Variants in NLRP4 observed in about 807,000 individuals in gnomAD.
NLRP4 encodes NLR family pyrin domain containing 4.
A neutral mutation model predicts 84.7 loss-of-function variants in NLRP4; 44 were observed. That is an observed-to-expected ratio of 0.52 (90% CI 0.41 to 0.67). The LOEUF is 0.67. Among genes scored for constraint, NLRP4 ranks in the 30% least tolerant of loss-of-function variants. The probability of loss-of-function intolerance (pLI) is 0.00; values close to 1 mark genes in which losing one functional copy is unlikely to be tolerated. For synonymous variants in NLRP4, 544 were observed against 476.4 expected, an observed-to-expected ratio of 1.14 and a Z score of -1.85; for missense variants, 1,260 against 1,219.4, an observed-to-expected ratio of 1.03 and a Z score of -0.50.
At chr19:55,853,941 TTCTG>T (rs1984303585) in intron 2 of NLRP4, among the ~76,000 whole-genome samples, 1 of 140,024 alleles carries the variant, frequency 7.1e-6, no homozygotes, top group African/African-American at 2.9e-5. Context: ...CTCTCTCTCT[TTCTG>T]TCTTTCTCTC....
rs1285675939 is a variant in NLRP4, at chr19:55,859,134, A to G, written c.1741A>G (p.Ile581Val). The G allele has an allele frequency of 1.2e-6, 2 of 1,613,850 alleles. No individual in the cohort carries two copies. The highest frequency in any genetic ancestry group is 2.2e-5 in the East Asian group (1 of 44,868). ...NLLQEANFHI[I>V]DNVDLVVSAY... is the part of the protein sequence containing the mutation. ...CCTCCAAGAAGCTAACTTTCATATT[A>G]TTGACAACGTGGACTTGGTGGTTTC... The change falls in exon 3 of 10, where the codon ATT becomes GTT. Residue 581 changes from isoleucine (I) to valine (V), a missense_variant. Physicochemically the swap from Ile to Val is conservative, Grantham distance 29. Coordinates refer to ENST00000301295, the MANE Select transcript of NLRP4 (RefSeq NM_134444.5).
intron 1 of NLRP4, among the ~76,000 whole-genome samples, chr19:55,844,050 AACAG>A (rs1469404199): frequency 2.6e-5 from 4 of 152,268 alleles, no homozygotes; most frequent in African/African-American, 4.8e-5. Context: ...CATACCACAA[AACAG>A]ACAGCTTAAG....
At chr19:55,866,317 C>T (rs1032825119) in intron 5 of NLRP4, among the ~76,000 whole-genome samples, 4 of 152,158 alleles carry the variant, frequency 2.6e-5, no homozygotes, top group African/African-American at 7.2e-5. Context: ...CAGGCTTGAG[C>T]CACCACGCCC....
chr19:55,839,479 TAAAAA>T (rs56042909), intron 1 of NLRP4, among the ~76,000 whole-genome samples: 4 of 135,522 alleles, frequency 3.0e-5, no homozygotes, highest in South Asian at 2.4e-4. Flanking sequence ...GGGGAAGAGT[TAAAAA>T]AAAAAAAAAA....
At chr19:55,846,412 C>G (rs1983795615) in intron 1 of NLRP4, among the ~76,000 whole-genome samples, 2 of 152,200 alleles carry the variant, frequency 1.3e-5, no homozygotes, top group South Asian at 4.2e-4. Flanking sequence ...GATCTTGACA[C>G]TGTCTCCACA....
chr19:55,839,357 TCA>T (rs759640055), intron 1 of NLRP4, among the ~76,000 whole-genome samples: 1 of 149,528 alleles, frequency 6.7e-6, no homozygotes, highest in South Asian at 2.1e-4. Flanking sequence ...GCTTATGCTC[TCA>T]CACACACATA....
intron 1 of NLRP4, among the ~76,000 whole-genome samples, chr19:55,842,900 C>T (rs1029822975): frequency 6.6e-6 from 1 of 152,014 alleles, no homozygotes; most frequent in East Asian, 1.9e-4. Context: ...GCTGAGACTA[C>T]AGGTGCCCGC....
chr19:55,870,945 A>C lies in NLRP4; in HGVS notation c.2473A>C (p.Lys825Gln), dbSNP rs148394990. ...CAATGTCCTGAAGGACGAAGGACTGAAAACTCTCTGCGAGGCCTTGAAACA... is the reference window on the plus strand; with the variant it reads ...CAATGTCCTGAAGGACGAAGGACTGCAAACTCTCTGCGAGGCCTTGAAACA... The part of the protein sequence containing the change: ...SANVLKDEGL[K>Q]TLCEALKHPD... The change falls in exon 7 of 10, where the codon AAA becomes CAA. Residue 825 changes from lysine to glutamine, a missense_variant. By Grantham distance (53) the Lys-to-Gln change is moderately conservative (BLOSUM62 1). Transcript: ENST00000301295. 4.5e-5 allele frequency: 73 copies of C among 1,614,086 alleles called. No individual in the cohort carries two copies. In the African/African-American group the frequency reaches 9.5e-4, roughly 21 times the overall value.
intron 5 of NLRP4, among the ~76,000 whole-genome samples, chr19:55,865,219 A>G (rs1391507425): frequency 6.6e-6 from 1 of 152,178 alleles, no homozygotes; most frequent in East Asian, 1.9e-4. Flanking sequence ...GCGTCCACTT[A>G]TAAGTGAGAA....
At chr19:55,856,509 ATCT>A (rs1371923864) in intron 2 of NLRP4, among the ~76,000 whole-genome samples, 1,340 of 132,748 alleles carry the variant, frequency 0.01, 21 homozygotes, top group African/African-American at 0.038. Flanking sequence ...CTGTTGCTGG[ATCT>A]TTTTTTTTTT....
At chr19:55,870,461 G>A (rs1216227077) in intron 6 of NLRP4, among the ~76,000 whole-genome samples, 4 of 152,186 alleles carry the variant, frequency 2.6e-5, no homozygotes, top group East Asian at 1.9e-4. Flanking sequence ...TCCGGAGTTC[G>A]AGACTAGCCT....
chr19:55,862,827 C>T (rs1471153845), intron 5 of NLRP4, among the ~76,000 whole-genome samples: 1 of 152,212 alleles, frequency 6.6e-6, no homozygotes, highest in Non-Finnish European at 1.5e-5. Context: ...TGAAGACATC[C>T]ACTTTTTCCT....
intron 1 of NLRP4, among the ~76,000 whole-genome samples, chr19:55,845,567 G>A (rs1983761332): frequency 6.6e-6 from 1 of 151,944 alleles, no homozygotes; most frequent in South Asian, 2.1e-4. Flanking sequence ...GGGTCAAATG[G>A]TATTTCTAGT....
Position 55,858,616 on chromosome 19 carries a change from GGACA to G in NLRP4, c.1228_1231del (p.Asp410HisfsTer29). 6.2e-7 allele frequency: 1 copy of G among 1,614,174 alleles called. No individual in the cohort carries two copies. Among genetic ancestry groups the G allele is most frequent in the Non-Finnish European group, 8.5e-7 (1 of 1,180,040 alleles). On this transcript the variant is annotated frameshift_variant, in exon 3 of 10. Transcript: ENST00000301295. LOFTEE classifies it high-confidence loss of function. The surrounding 1 kb of genome is among the most constrained non-coding windows in gnomAD (Gnocchi z 4.2). ...TGCTCCCTGGCTGCAGAGGGTATGT[GGACA>G]GACACATTTGAGTTTTGTGAAGACG... is the stretch of plus-strand genomic sequence containing the variant.
At chr19:55,867,396 T>A (rs1985000327) in intron 5 of NLRP4, among the ~76,000 whole-genome samples, 1 of 151,246 alleles carries the variant, frequency 6.6e-6, no homozygotes, top group Admixed American at 6.6e-5. Context: ...ACTGTGTGTC[T>A]CAGGTTGGCT....
At chr19:55,843,354 G>A (rs1165505201) in intron 1 of NLRP4, among the ~76,000 whole-genome samples, 1 of 151,966 alleles carries the variant, frequency 6.6e-6, no homozygotes, top group Non-Finnish European at 1.5e-5. Context: ...GACTTTATTG[G>A]GCTTCTTAAT....
intron 3 of NLRP4, among the ~76,000 whole-genome samples, chr19:55,859,955 AAACAC>A (rs1279098448): frequency 2.1e-5 from 3 of 141,014 alleles, no homozygotes; most frequent in Non-Finnish European, 3.1e-5. Flanking sequence ...AAAAAAAACA[AAACAC>A]AAATCATACA....
rs142704811 is a variant in NLRP4 at position 55,861,428 on chromosome 19, G to A, written c.1899G>A (p.Val633=). Reference sequence around the variant, plus strand: ...TCTGTTGGCATCACATCTGCTCTGTGCTCACCACCAGCGGGCACCTCAGAG... The same window carrying A: ...TCTGTTGGCATCACATCTGCTCTGTACTCACCACCAGCGGGCACCTCAGAG... ...SLICWHHICS[V]LTTSGHLREL... is the part of the protein sequence containing the mutation. The change falls in exon 4 of 10, where the codon GTG becomes GTA. Residue 633 remains valine, a synonymous_variant. Coordinates refer to ENST00000301295, the MANE Select transcript of NLRP4 (RefSeq NM_134444.5). 5.0e-6 allele frequency: 8 copies of A among 1,614,062 alleles called. No homozygotes were observed. In the East Asian group the frequency reaches 1.6e-4, roughly 31 times the overall value.
chr19:55,850,612 A>C (rs369367791), intron 1 of NLRP4, among the ~76,000 whole-genome samples: 1 of 64,166 alleles, frequency 1.6e-5, no homozygotes, highest in Non-Finnish European at 2.6e-5. Context: ...GTAATTTACG[A>C]GGCTGCGGTG....
Sources: allele counts gnomAD v4.1 joint callset (sites outside exome capture counted in the v4.1 genomes callset), GRCh38; gene constraint gnomAD v4.1.1; non-coding constraint Gnocchi (gnomAD v3.1); transcripts MANE v1.5; gene names NCBI Gene and HGNC (gene_info 2026-07-23, HGNC 2026-07-21).